RALYL: variants seen among roughly 807,000 people sequenced by gnomAD.
RALYL encodes RALY RNA binding protein like.
A neutral mutation model predicts 35.1 loss-of-function variants in RALYL; 29 were observed. The observed-to-expected ratio is 0.83, with a 90% CI of 0.61 to 1.13. The LOEUF is 1.13. RALYL is among the 50% of genes most tolerant of loss of function. RALYL has a pLI of 0.00. For missense variants in RALYL, 359 were observed against 360.4 expected (o/e 1.00, Z 0.03); for synonymous variants, 120 against 127.6 (o/e 0.94, Z 0.40).
chr8:84,621,321 G>A (rs143312082), intron 2 of RALYL, among the ~76,000 whole-genome samples: 1,575 of 152,264 alleles, frequency 0.01, 33 homozygotes, highest in African/African-American at 0.035. Context: ...TAAGCCCGTC[G>A]GAAAAGCGCA....
chr8:84,624,010 C>A (rs10109673), intron 2 of RALYL, among the ~76,000 whole-genome samples: 1 of 152,048 alleles, frequency 6.6e-6, no homozygotes, highest in Admixed American at 6.5e-5. Flanking sequence ...CTTGAATAAA[C>A]AAGTCTTGAC....
At position 84,828,275 on chromosome 8, in the gene RALYL, T is replaced by C. The variant is rs1011786612; in HGVS notation, c.366-21705T>C. Among the ~76,000 whole-genome samples the C allele has an allele frequency of 6.6e-5, 10 of 152,320 alleles. 1 individual carries two copies. Among genetic ancestry groups the C allele is most frequent in the Admixed American group, 5.2e-4 (8 of 15,296 alleles). On this transcript the variant is annotated intron_variant, in intron 4 of 8. Transcript: ENST00000521268. ...ACAGAACTCTTTACTGTCAGTACTC[T>C]TGACTACCAAGAAATGAAGCCACAC...
chr8:84,832,714 A>C (rs1344644615), intron 4 of RALYL, among the ~76,000 whole-genome samples: 1 of 152,138 alleles, frequency 6.6e-6, no homozygotes, highest in Non-Finnish European at 1.5e-5. Flanking sequence ...TAACTTGAAA[A>C]ATATCCCAGA....
At chr8:84,368,826 C>G (rs112874119) in intron 1 of RALYL, among the ~76,000 whole-genome samples, 4,496 of 152,146 alleles carry the variant, frequency 0.03, 215 homozygotes, top group African/African-American at 0.1. Flanking sequence ...ACAACCAAAC[C>G]ATATCAGTCA....
chr8:84,666,306 C>A (rs886139126), intron 2 of RALYL, among the ~76,000 whole-genome samples: 3 of 152,030 alleles, frequency 2.0e-5, no homozygotes, highest in Non-Finnish European at 4.4e-5. Context: ...AAAGGGCCTT[C>A]ATATTTATTC....
At chr8:84,547,171 A>C (rs561493432) in intron 2 of RALYL, among the ~76,000 whole-genome samples, 1 of 151,840 alleles carries the variant, frequency 6.6e-6, no homozygotes, top group East Asian at 1.9e-4. Flanking sequence ...CTGTGTTCTC[A>C]TTGTTCAGCT....
At chr8:84,375,920 G>A (rs543170410) in intron 1 of RALYL, among the ~76,000 whole-genome samples, 1 of 151,962 alleles carries the variant, frequency 6.6e-6, no homozygotes, top group Admixed American at 6.6e-5. Flanking sequence ...AAAAGACTGT[G>A]ATTTCCATTT....
chr8:84,497,152 T>A (rs1564033829), intron 1 of RALYL, among the ~76,000 whole-genome samples: 2 of 152,116 alleles, frequency 1.3e-5, no homozygotes, highest in African/African-American at 2.4e-5. Context: ...TACCTTGTTT[T>A]AGAAAGTACA....
intron 1 of RALYL, among the ~76,000 whole-genome samples, chr8:84,393,903 A>C (rs1451969031): frequency 1.3e-5 from 2 of 152,124 alleles, no homozygotes; most frequent in Non-Finnish European, 2.9e-5. Flanking sequence ...AATAATGATA[A>C]TTATTTTTTA....
At chr8:84,264,003 C>G (rs1379634382) in intron 1 of RALYL, among the ~76,000 whole-genome samples, 2 of 152,132 alleles carry the variant, frequency 1.3e-5, no homozygotes, top group Non-Finnish European at 2.9e-5. Flanking sequence ...TTTTCTTTAT[C>G]CATTCTATCA....
chr8:84,704,246 G>A (rs1176414661), intron 2 of RALYL, among the ~76,000 whole-genome samples: 2 of 152,096 alleles, frequency 1.3e-5, no homozygotes, highest in African/African-American at 4.8e-5. Context: ...CCAACATGGC[G>A]AAACCCTGTC....
At chr8:84,246,742 T>C (rs1465933224) in intron 1 of RALYL, among the ~76,000 whole-genome samples, 1 of 152,098 alleles carries the variant, frequency 6.6e-6, no homozygotes, top group Non-Finnish European at 1.5e-5. Context: ...CAGGAGGCTG[T>C]TGCCACAGTC....
At chr8:84,632,368 A>AT (rs1366139438) in intron 2 of RALYL, among the ~76,000 whole-genome samples, 1 of 151,920 alleles carries the variant, frequency 6.6e-6, no homozygotes, top group African/African-American at 2.4e-5. Flanking sequence ...ATGGGAAGAA[A>AT]TTTTTTTCCA....
intron 1 of RALYL, among the ~76,000 whole-genome samples, chr8:84,466,452 T>C (rs2051661207): frequency 6.7e-6 from 1 of 150,314 alleles, no homozygotes; most frequent in Admixed American, 6.6e-5. Flanking sequence ...CATTTCTTGA[T>C]TTGCGTATAT....
At chr8:84,689,470 T>G (rs1387116987) in intron 2 of RALYL, among the ~76,000 whole-genome samples, 1 of 152,208 alleles carries the variant, frequency 6.6e-6, no homozygotes, top group Non-Finnish European at 1.5e-5. Context: ...CTTAATCCAG[T>G]CTATCATTGT....
rs1194275168 is a variant in RALYL, at chr8:84,921,769, G to T, written c.*858G>T. 2.0e-5 allele frequency: 3 copies of T among 152,184 alleles called. No homozygotes were observed. Among genetic ancestry groups the T allele is most frequent in the Admixed American group, 6.5e-5 (1 of 15,274 alleles). The allele number at this position is 152,184 out of a possible 1,614,324, so 9.4% of individuals were successfully genotyped here. On this transcript the variant is annotated 3_prime_UTR_variant, in exon 9 of 9. Coordinates refer to ENST00000521268, the MANE Select transcript of RALYL (RefSeq NM_173848.7). ...GCTGTTGTCTTGTGCTGTGGAAATG[G>T]AAGAAACCATCTTCACAGACCGTAG...
chr8:84,194,030 T>G (rs1814618524), intron 1 of RALYL, among the ~76,000 whole-genome samples: 1 of 152,148 alleles, frequency 6.6e-6, no homozygotes, highest in African/African-American at 2.4e-5. Context: ...TTTAATAGAA[T>G]GAGAGTAGTG....
chr8:84,886,376 T>C (rs1009562895), intron 7 of RALYL, among the ~76,000 whole-genome samples: 2 of 152,134 alleles, frequency 1.3e-5, no homozygotes, highest in Non-Finnish European at 2.9e-5. Flanking sequence ...ATGCTCATTT[T>C]CCTTTTATCT....
chr8:84,213,284 G>A lies in RALYL; in HGVS notation c.-24+28860G>A, dbSNP rs578045933. ...CAACTGCCTGTAGTCCCAGCTACTC[G>A]GGAGGCTGAGGCAGGAGAATTGCTT... On this transcript the variant is annotated intron_variant, in intron 1 of 8. Transcript: ENST00000521268. 1.5e-4 allele frequency among the ~76,000 whole-genome samples: 23 copies of A among 152,168 alleles called. No homozygotes were observed. The South Asian group carries it at 3.7e-3, about 25-fold the overall frequency.
Sources: gnomAD v4.1 joint callset for allele counts (sites outside exome capture counted in the v4.1 genomes callset) on GRCh38, gnomAD v4.1.1 for gene constraint, MANE v1.5 for transcripts, NCBI Gene and HGNC (gene_info 2026-07-23, HGNC 2026-07-21) for gene names.